ARMC9: variants seen among roughly 807,000 people sequenced by gnomAD.
ARMC9 encodes the protein armadillo repeat containing 9, also known as lisH domain-containing protein ARMC9.
A neutral mutation model predicts 107.0 loss-of-function variants in ARMC9; 94 were observed. That is an observed-to-expected ratio of 0.88 (90% CI 0.74 to 1.04). The LOEUF is 1.04. Among genes scored for constraint, ARMC9 ranks in the 50% least tolerant of loss-of-function variants. ARMC9 has a pLI of 0.00. For missense variants in ARMC9, 942 were observed against 1,030.1 expected (o/e 0.91, Z 1.17); for synonymous variants, 380 against 396.9 (o/e 0.96, Z 0.51).
intron 10 of ARMC9, 139 bp downstream of exon 10, chr2:231,256,759 G>T: frequency 3.5e-6 from 3 of 846,944 alleles, no homozygotes; most frequent in Non-Finnish European, 5.9e-6. Flanking sequence ...AATATTAAAG[G>T]AAATACGAGT....
rs2046082419 is a variant in ARMC9, at chr2:231,372,882, C to G, written c.*1347C>G. On this transcript the variant is annotated 3_prime_UTR_variant, in exon 25 of 25. Transcript: ENST00000611582. ...AATGGTCGTAAATAAAGGCTAAGCGCTGGATTTTTCCATGGCCCCCTGACT... is the reference window on the plus strand; with the variant it reads ...AATGGTCGTAAATAAAGGCTAAGCGGTGGATTTTTCCATGGCCCCCTGACT... 6.6e-6 allele frequency: 1 copy of G among 152,238 alleles called. No individual in the cohort carries two copies. The highest frequency in any genetic ancestry group is 1.5e-5 in the Non-Finnish European group (1 of 68,054). The allele number at this position is 152,238 out of a possible 1,614,324, so 9.4% of individuals were successfully genotyped here. A position where few individuals can be genotyped will look rare whatever the true frequency, so the allele number is the denominator to read the frequency against.
intron 19 of ARMC9, among the ~76,000 whole-genome samples, chr2:231,311,770 CAAAAAAAAAA>C (rs56713732): frequency 5.9e-4 from 36 of 60,648 alleles, no homozygotes; most frequent in South Asian, 2.0e-3. Flanking sequence ...ACTCCATCGC[CAAAAAAAAAA>C]AAAAAAAAAA....
chr2:231,293,481 C>T (rs2041162038), intron 18 of ARMC9, among the ~76,000 whole-genome samples: 1 of 152,208 alleles, frequency 6.6e-6, no homozygotes, highest in Non-Finnish European at 1.5e-5. Flanking sequence ...GTCTTCCCTC[C>T]TTCCTGGCAG....
chr2:231,268,296 A>G lies in ARMC9; in HGVS notation c.1120-2686A>G, dbSNP rs2039023356. Among the ~76,000 whole-genome samples, 3 of 152,188 alleles carry G rather than the reference A, an allele frequency of 2.0e-5. No homozygotes were observed. In the South Asian group the frequency reaches 6.2e-4, roughly 32 times the overall value. ...CCACATGTTCGCTTTGTGAACACTC[A>G]TCAGGCTGTACATGTGATCTGTGCA... On this transcript the variant is annotated intron_variant, in intron 12 of 24. Transcript: ENST00000611582.
chr2:231,356,232 G>A (rs2045339831), intron 22 of ARMC9, among the ~76,000 whole-genome samples: 1 of 152,140 alleles, frequency 6.6e-6, no homozygotes, highest in Non-Finnish European at 1.5e-5. Context: ...AGGAATGCCG[G>A]GCTGATGTTG....
rs1265465696 is a variant in ARMC9 at position 231,226,754 on chromosome 2, GA to G, written c.598-18del. The G allele has an allele frequency of 6.2e-7, 1 of 1,612,838 alleles. No homozygotes were observed. Among genetic ancestry groups the G allele is most frequent in the Non-Finnish European group, 8.5e-7 (1 of 1,179,122 alleles). On this transcript the variant is annotated intron_variant, in intron 6 of 24. Transcript: ENST00000611582. Reference sequence around the variant, plus strand: ...CCGTTCCCTGAATGCCTGTTTTCCTGAACTTCTTTTTCATCCCAGAAGGAGA... The same window carrying G: ...CCGTTCCCTGAATGCCTGTTTTCCTGACTTCTTTTTCATCCCAGAAGGAGA...
At position 231,376,225 on chromosome 2, in the gene ARMC9, AC is replaced by A. The variant is rs1396392932; in HGVS notation, c.*4691del. On this transcript the variant is annotated 3_prime_UTR_variant, in exon 25 of 25. Coordinates refer to ENST00000611582, the MANE Select transcript of ARMC9 (RefSeq NM_001352754.2). ...GAAATCTGAGCACCTTGAAAAAAGA[AC>A]AGGGTAACAGCAATTGTTCAGGGAA... Among the ~76,000 whole-genome samples, 5 of 152,232 alleles carry A rather than the reference AC, an allele frequency of 3.3e-5. No individual in the cohort carries two copies. The highest frequency in any genetic ancestry group is 5.9e-5 in the Non-Finnish European group (4 of 68,044).
At chr2:231,232,289 G>C (rs1217970587) in intron 7 of ARMC9, among the ~76,000 whole-genome samples, 1 of 152,094 alleles carries the variant, frequency 6.6e-6, no homozygotes, top group East Asian at 1.9e-4. Context: ...CTCCCAAAGT[G>C]CTGGGATTAC....
intron 9 of ARMC9, among the ~76,000 whole-genome samples, chr2:231,249,809 G>A (rs1188186847): frequency 6.6e-6 from 1 of 150,776 alleles, no homozygotes; most frequent in African/African-American, 2.5e-5. Context: ...CCACCCACCC[G>A]TGCACACCTC....
At chr2:231,361,173 G>A (rs561699688) in intron 23 of ARMC9, among the ~76,000 whole-genome samples, 5 of 152,232 alleles carry the variant, frequency 3.3e-5, no homozygotes, top group Non-Finnish European at 7.3e-5. Context: ...CTTGTCCAGG[G>A]CTGGGTGATG....
At chr2:231,233,125 A>G (rs2035395414) in intron 7 of ARMC9, among the ~76,000 whole-genome samples, 1 of 152,236 alleles carries the variant, frequency 6.6e-6, no homozygotes, top group South Asian at 2.1e-4. Flanking sequence ...TGCTGGGATT[A>G]CAGGCGTGAG....
intron 7 of ARMC9, among the ~76,000 whole-genome samples, chr2:231,227,848 G>A (rs1215685794): frequency 2.6e-5 from 4 of 152,192 alleles, no homozygotes; most frequent in African/African-American, 9.7e-5. Flanking sequence ...TTCTAAGTGT[G>A]TGACTGGTTC....
chr2:231,199,056 A>G (rs1440534946), intron 1 of ARMC9: 1 of 152,216 alleles, frequency 6.6e-6, no homozygotes, highest in East Asian at 1.9e-4. Context: ...CCCCCTGATA[A>G]TCTCCATCTG....
chr2:231,301,689 A>G (rs1222235961), intron 19 of ARMC9, among the ~76,000 whole-genome samples: 2 of 152,114 alleles, frequency 1.3e-5, no homozygotes, highest in Non-Finnish European at 2.9e-5. Context: ...TTTTTAAGTT[A>G]AAGATTGAGG....
At chr2:231,346,106 G>A (rs760509513) in intron 21 of ARMC9, among the ~76,000 whole-genome samples, 1 of 152,196 alleles carries the variant, frequency 6.6e-6, no homozygotes, top group Admixed American at 6.5e-5. Flanking sequence ...TCATAATTAG[G>A]TATGATATGC....
chr2:231,356,142 C>T (rs2045336460), intron 22 of ARMC9, among the ~76,000 whole-genome samples: 1 of 152,236 alleles, frequency 6.6e-6, no homozygotes, highest in Admixed American at 6.5e-5. Context: ...TCTCAGAGCA[C>T]TGCCTGTTGT....
intron 9 of ARMC9, among the ~76,000 whole-genome samples, chr2:231,240,650 T>C (rs533639997): frequency 2.6e-5 from 4 of 152,368 alleles, no homozygotes; most frequent in Admixed American, 2.0e-4. Flanking sequence ...TTCTCTCATA[T>C]AACTATACAG....
rs574797561 is a variant in ARMC9 at position 231,324,170 on chromosome 2, C to T, written c.1774-7623C>T. On this transcript the variant is annotated intron_variant, in intron 19 of 24. Transcript: ENST00000611582. Reference sequence around the variant, plus strand: ...TGTGATGTAGTCTTGCTCTGTTGCCCAGGCTGGAGTGCAGTGGTGCAATCT... The same window carrying T: ...TGTGATGTAGTCTTGCTCTGTTGCCTAGGCTGGAGTGCAGTGGTGCAATCT... 1.3e-3 allele frequency among the ~76,000 whole-genome samples: 188 copies of T among 143,298 alleles called. 2 individuals carry two copies. The highest frequency in any genetic ancestry group is 2.1e-3 in the Admixed American group (29 of 14,088). 94.0% of individuals were successfully genotyped at this position (143,298 alleles called of 152,430 possible). A position where few individuals can be genotyped will look rare whatever the true frequency, so the allele number is the denominator to read the frequency against.
In ARMC9 at chr2:231,276,578, C is replaced by T. The variant is rs960833376; in HGVS notation, c.1335-58C>T. The T allele has an allele frequency of 6.2e-6, 10 of 1,608,702 alleles. No homozygotes were observed. In the South Asian group the frequency reaches 7.7e-5, roughly 12 times the overall value. ...AGCCACTGCTTCCAGCCTACTGTTT[C>T]CTCTTATATGAAAAGTTTCTTGGCA... On this transcript the variant is annotated intron_variant, in intron 14 of 24. Transcript: ENST00000611582.
Sources: allele counts gnomAD v4.1 joint callset (sites outside exome capture counted in the v4.1 genomes callset), GRCh38; gene constraint gnomAD v4.1.1; transcripts MANE v1.5; gene names NCBI Gene and HGNC (gene_info 2026-07-23, HGNC 2026-07-21).